The following RORA variants were observed in gnomAD, a reference collection of about 807,000 sequenced individuals.
The protein encoded by RORA is RAR related orphan receptor A, also known as nuclear receptor ROR-alpha.
RORA carries 7 observed loss-of-function variants against 69.5 expected under a neutral mutation model. The observed-to-expected ratio is 0.10, with a 90% CI of 0.06 to 0.19. The LOEUF (loss-of-function observed/expected upper bound fraction) is 0.19, where lower values mean the gene tolerates loss of function less well. Among genes scored for constraint, RORA ranks in the 10% least tolerant of loss-of-function variants. RORA has a pLI of 1.00. For missense variants in RORA, 457 were observed against 663.0 expected (o/e 0.69, Z 3.41); for synonymous variants, 261 against 240.8 (o/e 1.08, Z -0.78).
At chr15:61,101,972 C>T (rs985066899) in intron 1 of RORA, among the ~76,000 whole-genome samples, 2 of 152,106 alleles carry the variant, frequency 1.3e-5, no homozygotes, top group African/African-American at 4.8e-5. Flanking sequence ...AATACCTAGC[C>T]TGCCCAGCTC....
intron 1 of RORA, among the ~76,000 whole-genome samples, chr15:60,788,741 G>T (rs1350329120): frequency 6.6e-6 from 1 of 152,106 alleles, no homozygotes; most frequent in African/African-American, 2.4e-5. Flanking sequence ...CTCAGCCCAG[G>T]TACCTCAGCC....
chr15:60,884,742 C>T (rs1260449082), intron 1 of RORA, among the ~76,000 whole-genome samples: 7 of 152,162 alleles, frequency 4.6e-5, no homozygotes. Flanking sequence ...CTTCTTCATC[C>T]TCCCAAAATT....
intron 5 of RORA, among the ~76,000 whole-genome samples, chr15:60,507,147 C>T (rs1185130860): frequency 6.6e-6 from 1 of 151,844 alleles, no homozygotes; most frequent in Non-Finnish European, 1.5e-5. Flanking sequence ...AATAATTGTT[C>T]TGGAAGGGAA....
At chr15:60,559,357 C>A (rs1401523913) in intron 2 of RORA, among the ~76,000 whole-genome samples, 2 of 152,150 alleles carry the variant, frequency 1.3e-5, no homozygotes, top group African/African-American at 4.8e-5. Context: ...GAGGCCCTCC[C>A]TCTACTTGTA....
At position 60,863,605 on chromosome 15, in the gene RORA, T is replaced by G. The variant is rs2073454875; in HGVS notation, c.167-184919A>C. Among the ~76,000 whole-genome samples the G allele has an allele frequency of 2.6e-5, 4 of 152,362 alleles. No homozygotes were observed. In the South Asian group the frequency reaches 8.3e-4, roughly 32 times the overall value. On this transcript the variant is annotated intron_variant, in intron 1 of 10. Transcript: ENST00000335670. ...TTTAGAAAATGATTCTCTGCCTTAA[T>G]TCCCTCACATGTAAAATAGGCATAA...
At chr15:61,036,254 G>A (rs766261902) in intron 1 of RORA, among the ~76,000 whole-genome samples, 47 of 152,246 alleles carry the variant, frequency 3.1e-4, no homozygotes, top group Middle Eastern at 3.4e-3. Flanking sequence ...GACATGACAG[G>A]GATGGGTCTG....
At chr15:61,008,889 C>G (rs1447033130) in intron 1 of RORA, among the ~76,000 whole-genome samples, 8 of 152,118 alleles carry the variant, frequency 5.3e-5, no homozygotes, top group Admixed American at 5.2e-4. Flanking sequence ...TGACCAAGGG[C>G]AACTCCAAGG....
chr15:60,514,435 A>T (rs1002263048), intron 4 of RORA, among the ~76,000 whole-genome samples, 181 bp downstream of exon 4: 1 of 151,984 alleles, frequency 6.6e-6, no homozygotes, highest in African/African-American at 2.4e-5. Flanking sequence ...GAGGATGAGG[A>T]GGAGGAGGAA....
At chr15:60,806,623 C>T (rs1371683436) in intron 1 of RORA, among the ~76,000 whole-genome samples, 2 of 152,164 alleles carry the variant, frequency 1.3e-5, no homozygotes, top group African/African-American at 2.4e-5. Flanking sequence ...CTTTTGATTA[C>T]CTGCAACAAT....
chr15:61,015,607 T>C (rs1483465605), intron 1 of RORA, among the ~76,000 whole-genome samples: 5 of 152,182 alleles, frequency 3.3e-5, no homozygotes, highest in Admixed American at 3.3e-4. Flanking sequence ...GCGTAGGTGC[T>C]CATCTGTTCA....
chr15:60,626,305 C>T (rs2069578213), intron 2 of RORA, among the ~76,000 whole-genome samples: 1 of 152,130 alleles, frequency 6.6e-6, no homozygotes, highest in Admixed American at 6.5e-5. Context: ...GGATTAGGGC[C>T]TCCACTGGGC....
intron 2 of RORA, among the ~76,000 whole-genome samples, chr15:60,618,644 T>C (rs2069320556): frequency 6.6e-6 from 1 of 152,246 alleles, no homozygotes; most frequent in Non-Finnish European, 1.5e-5. Flanking sequence ...ATGTTCTTTA[T>C]ACTTTGATGA....
intron 1 of RORA, among the ~76,000 whole-genome samples, chr15:61,117,798 T>C (rs1226082910): frequency 6.6e-6 from 1 of 152,260 alleles, no homozygotes; most frequent in Non-Finnish European, 1.5e-5. Context: ...AATGTAAGTA[T>C]TCTTAATTTT....
intron 1 of RORA, chr15:60,848,455 G>C (rs78220240): frequency 6.6e-6 from 1 of 152,448 alleles, no homozygotes; most frequent in East Asian, 1.9e-4. Flanking sequence ...AGGGCCATGA[G>C]CCAAGGAATG....
At chr15:60,620,087 G>A (rs908773990) in intron 2 of RORA, among the ~76,000 whole-genome samples, 10 of 152,192 alleles carry the variant, frequency 6.6e-5, no homozygotes, top group Admixed American at 2.0e-4. Context: ...TAGATGCTTC[G>A]TTACCCTAAC....
At chr15:60,497,883 A>T (rs1272885671) in intron 10 of RORA, among the ~76,000 whole-genome samples, 1 of 151,628 alleles carries the variant, frequency 6.6e-6, no homozygotes, top group African/African-American at 2.4e-5. Flanking sequence ...ACACGGTGAA[A>T]CCCTGTCTCT....
chr15:60,637,604 G>A (rs990318063), intron 2 of RORA, among the ~76,000 whole-genome samples: 2 of 151,992 alleles, frequency 1.3e-5, no homozygotes, highest in South Asian at 4.1e-4. Flanking sequence ...TATACGGCGT[G>A]AAAAAAATTT....
intron 2 of RORA, among the ~76,000 whole-genome samples, chr15:60,638,903 C>T (rs1460627755): frequency 6.6e-6 from 1 of 152,142 alleles, no homozygotes; most frequent in African/African-American, 2.4e-5. Context: ...ATGGTCTCTA[C>T]TTTCCCCTTT....
intron 1 of RORA, among the ~76,000 whole-genome samples, chr15:61,110,769 T>C (rs1163543220): frequency 6.6e-6 from 1 of 152,224 alleles, no homozygotes; most frequent in Non-Finnish European, 1.5e-5. Flanking sequence ...CTCATCCTTC[T>C]TGTTGGACCT....
Sources: gnomAD v4.1 joint callset for allele counts (sites outside exome capture counted in the v4.1 genomes callset) on GRCh38, gnomAD v4.1.1 for gene constraint, MANE v1.5 for transcripts, NCBI Gene and HGNC (gene_info 2026-07-23, HGNC 2026-07-21) for gene names.